GALNT2: variants seen among roughly 807,000 people sequenced by gnomAD.
GALNT2 encodes UDP-GalNAc:polypeptide N-acetylgalactosaminyltransferase 2.
In GALNT2, 31 loss-of-function variants were observed where a neutral mutation model predicts 81.4. The ratio of observed to expected loss-of-function variants is 0.38; its 90% CI spans 0.29 to 0.51. The LOEUF (loss-of-function observed/expected upper bound fraction) is 0.51, where lower values mean the gene tolerates loss of function less well. Ranked by LOEUF, GALNT2 falls within the 20% of genes least tolerant of loss-of-function variation. The pLI, the probability that GALNT2 is intolerant of heterozygous loss-of-function variation, is 0.87. For missense variants in GALNT2, 629 were observed against 765.7 expected, an observed-to-expected ratio of 0.82 and a Z score of 2.11; for synonymous variants, 303 against 287.4, an observed-to-expected ratio of 1.05 and a Z score of -0.55.
chr1:230,063,336 T>A (rs1159032067), upstream of GALNT2, among the ~76,000 whole-genome samples: 1 of 151,918 alleles, frequency 6.6e-6, no homozygotes, highest in East Asian at 1.9e-4. Flanking sequence ...TTTTATATAA[T>A]AGCTATCCTA....
intron 8 of GALNT2, among the ~76,000 whole-genome samples, chr1:230,247,654 C>T (rs1443008186): frequency 6.6e-6 from 1 of 152,164 alleles, no homozygotes; most frequent in Non-Finnish European, 1.5e-5. Flanking sequence ...CTCTATTTCT[C>T]CCAAAGCAGC....
At chr1:230,186,137 A>T (rs1663328422) in intron 2 of GALNT2, among the ~76,000 whole-genome samples, 1 of 152,180 alleles carries the variant, frequency 6.6e-6, no homozygotes, top group South Asian at 2.1e-4. Context: ...ACGTCCGTTT[A>T]TGAAGTGTTT....
chr1:230,162,034 T>A (rs1303745502), intron 1 of GALNT2, among the ~76,000 whole-genome samples: 15 of 151,130 alleles, frequency 9.9e-5, no homozygotes, highest in Non-Finnish European at 1.0e-4. Context: ...CTGTAAAAAT[T>A]AAAAAAAAAA....
chr1:230,140,197 G>A (rs1661686522), intron 1 of GALNT2, among the ~76,000 whole-genome samples: 1 of 152,244 alleles, frequency 6.6e-6, no homozygotes, highest in African/African-American at 2.4e-5. Flanking sequence ...GAGGAGGAAT[G>A]AATCCCAAGG....
At chr1:230,183,159 GTGTTGTTTTATTTATAGTGGATTTGT>G (rs777094920) in intron 2 of GALNT2, among the ~76,000 whole-genome samples, 20 of 152,206 alleles carry the variant, frequency 1.3e-4, no homozygotes, top group Admixed American at 6.5e-4. Context: ...TAATCTATGT[GTGTTGTTTTATTTATAGTGGATTTGT>G]TGTAGACAAC....
intron 1 of GALNT2, among the ~76,000 whole-genome samples, chr1:230,101,085 T>G (rs1660389475): frequency 6.6e-6 from 1 of 152,232 alleles, no homozygotes. Flanking sequence ...AGCCTAGGTG[T>G]GGAGAAGGCT....
chr1:230,265,463 T>G, intron 14 of GALNT2, 96 bp downstream of exon 14: 2 of 1,538,300 alleles, frequency 1.3e-6, no homozygotes, highest in Non-Finnish European at 1.8e-6. Flanking sequence ...ACCTTTCTCC[T>G]GGGATGGGTG....
intron 8 of GALNT2, among the ~76,000 whole-genome samples, chr1:230,246,504 G>T (rs1234042697): frequency 6.6e-6 from 1 of 152,150 alleles, no homozygotes; most frequent in Admixed American, 6.5e-5. Context: ...GAGGCTTTGT[G>T]GGATTCAAGG....
chr1:230,167,354 C>T (rs1392758901), intron 1 of GALNT2, among the ~76,000 whole-genome samples: 1 of 152,116 alleles, frequency 6.6e-6, no homozygotes, highest in Non-Finnish European at 1.5e-5. Context: ...ACCACGTTGC[C>T]CAGGCTGGTC....
chr1:230,172,699 A>G (rs1328288700), intron 1 of GALNT2, among the ~76,000 whole-genome samples: 2 of 152,170 alleles, frequency 1.3e-5, no homozygotes, highest in African/African-American at 2.4e-5. Context: ...GCCTTTGGCA[A>G]CTGAGCCAAG....
At position 230,272,132 on chromosome 1, in the gene GALNT2, A is replaced by T. The variant is rs373789429; in HGVS notation, c.1441-2313A>T. On this transcript the variant is annotated intron_variant, in intron 14 of 15. Transcript: ENST00000366672. ...TGACAAGGGTTTTAGGAGCCTTGTG[A>T]TTGTGCCAGAGACCAAATAATTATT... Among the ~76,000 whole-genome samples the T allele has an allele frequency of 7.9e-5, 12 of 152,278 alleles. No individual in the cohort carries two copies. The East Asian group carries it at 1.9e-3, about 25-fold the overall frequency.
chr1:230,115,707 A>T (rs572204337), intron 1 of GALNT2, among the ~76,000 whole-genome samples: 1 of 152,208 alleles, frequency 6.6e-6, no homozygotes, highest in Non-Finnish European at 1.5e-5. Flanking sequence ...TCTTCCTTTC[A>T]CAAAAGATTT....
chr1:230,204,813 A>G (rs964377710), intron 3 of GALNT2, among the ~76,000 whole-genome samples: 10 of 152,316 alleles, frequency 6.6e-5, no homozygotes, highest in Middle Eastern at 3.4e-3. Context: ...CACATCTACC[A>G]TATGTCAGAC....
At chr1:230,170,242 G>T (rs1662747798) in intron 1 of GALNT2, among the ~76,000 whole-genome samples, 1 of 152,182 alleles carries the variant, frequency 6.6e-6, no homozygotes. Context: ...TTCTCCCTAG[G>T]TGATGAAACT....
intron 1 of GALNT2, among the ~76,000 whole-genome samples, chr1:230,089,020 T>C (rs918843399): frequency 4.6e-5 from 7 of 152,230 alleles, no homozygotes; most frequent in African/African-American, 1.7e-4. Flanking sequence ...CTTTAGTGTC[T>C]GAGTTCTTCC....
intron 2 of GALNT2, among the ~76,000 whole-genome samples, chr1:230,183,970 A>G (rs1470833809): frequency 6.6e-6 from 1 of 151,904 alleles, no homozygotes; most frequent in Non-Finnish European, 1.5e-5. Context: ...GAGCAAGACT[A>G]CAACTCAAAA....
chr1:230,139,661 G>A (rs896975935), intron 1 of GALNT2, among the ~76,000 whole-genome samples: 3 of 152,216 alleles, frequency 2.0e-5, no homozygotes, highest in Non-Finnish European at 4.4e-5. Context: ...AATAGTAAGG[G>A]ATTTTTTGTT....
chr1:230,225,883 C>G (rs1664694409), intron 3 of GALNT2, among the ~76,000 whole-genome samples: 1 of 152,112 alleles, frequency 6.6e-6, no homozygotes, highest in Admixed American at 6.5e-5. Context: ...TTTTCGAATT[C>G]AGATTCCCAG....
At chr1:230,068,344 C>CG (rs1242848426) in intron 1 of GALNT2, among the ~76,000 whole-genome samples, 1 of 152,206 alleles carries the variant, frequency 6.6e-6, no homozygotes, top group Non-Finnish European at 1.5e-5. Flanking sequence ...GAGCGCCGGC[C>CG]GGGAGAGCAG....
Sources: gnomAD v4.1 joint callset for allele counts (sites outside exome capture counted in the v4.1 genomes callset) on GRCh38, gnomAD v4.1.1 for gene constraint, MANE v1.5 for transcripts, NCBI Gene and HGNC (gene_info 2026-07-23, HGNC 2026-07-21) for gene names.